SH3GL3: variants seen among roughly 807,000 people sequenced by gnomAD.
SH3GL3 encodes the protein SH3 domain containing GRB2 like 3, endophilin A3.
In SH3GL3, 33 loss-of-function variants were observed where a neutral mutation model predicts 47.7. The ratio of observed to expected loss-of-function variants is 0.69; its 90% CI spans 0.52 to 0.92. The LOEUF is 0.92. Ranked by LOEUF, SH3GL3 falls within the 40% of genes least tolerant of loss-of-function variation. The pLI is 0.00. For missense variants in SH3GL3, 363 were observed against 417.8 expected, an observed-to-expected ratio of 0.87 and a Z score of 1.14; for synonymous variants, 155 against 148.8, an observed-to-expected ratio of 1.04 and a Z score of -0.30.
intron 1 of SH3GL3, among the ~76,000 whole-genome samples, chr15:83,522,388 C>A (rs2151654748): frequency 6.6e-6 from 1 of 152,202 alleles, no homozygotes; most frequent in South Asian, 2.1e-4. Flanking sequence ...ACCCAGATAC[C>A]AAAATATTGT....
chr15:83,541,276 C>G (rs1003682660), intron 1 of SH3GL3, among the ~76,000 whole-genome samples: 1 of 137,750 alleles, frequency 7.3e-6, no homozygotes, highest in Non-Finnish European at 1.5e-5. Context: ...TGTCTTCTTT[C>G]CTAGCAGTGG....
At chr15:83,622,573 G>T (rs1421415487), downstream of SH3GL3, among the ~76,000 whole-genome samples, 1 of 152,236 alleles carries the variant, frequency 6.6e-6, no homozygotes, top group Non-Finnish European at 1.5e-5. Flanking sequence ...AATGAGACTT[G>T]TGTCTGTTGA....
chr15:83,609,410 C>T (rs749765100), intron 8 of SH3GL3: 6 of 443,542 alleles, frequency 1.4e-5, no homozygotes, highest in African/African-American at 4.1e-5. Context: ...GGAACAAAAA[C>T]ACTCAAAAGA....
chr15:83,493,618 G>C (rs1274732875), intron 1 of SH3GL3, among the ~76,000 whole-genome samples: 2 of 152,136 alleles, frequency 1.3e-5, no homozygotes, highest in African/African-American at 2.4e-5. Context: ...GCATCACCCA[G>C]ACCTGCTTTT....
In SH3GL3 at chr15:83,559,240, T is replaced by A. The variant is rs1346120719; in HGVS notation, c.46-13T>A. On this transcript the variant is annotated splice_polypyrimidine_tract_variant and intron_variant, in intron 1 of 8. Coordinates refer to ENST00000427482, the MANE Select transcript of SH3GL3 (RefSeq NM_003027.5). ...TCATTGTACAATGCAATTATTTATG[T>A]TTATTTCTGCAGCTATTTAGTGAAA... 2.1e-6 allele frequency: 3 copies of A among 1,439,380 alleles called. No homozygotes were observed. Among genetic ancestry groups the A allele is most frequent in the Non-Finnish European group, 2.9e-6 (3 of 1,021,044 alleles). The allele number at this position is 1,439,380 out of a possible 1,614,324, so 89.2% of individuals were successfully genotyped here.
intron 1 of SH3GL3, among the ~76,000 whole-genome samples, chr15:83,475,342 G>T (rs1247641808): frequency 1.3e-5 from 2 of 151,732 alleles, no homozygotes; most frequent in Admixed American, 1.3e-4. Flanking sequence ...AACCGGGCGG[G>T]GTGTTGCGTG....
chr15:83,551,768 A>G (rs1247382975), intron 1 of SH3GL3, among the ~76,000 whole-genome samples: 1 of 152,044 alleles, frequency 6.6e-6, no homozygotes, highest in Non-Finnish European at 1.5e-5. Context: ...GTTTCCTGTT[A>G]TGTTGTGTGC....
intron 1 of SH3GL3, among the ~76,000 whole-genome samples, chr15:83,462,487 A>G (rs993307042): frequency 5.9e-5 from 9 of 152,226 alleles, no homozygotes; most frequent in African/African-American, 1.9e-4. Context: ...CAGAGTTAGC[A>G]CTGTCTGCTT....
chr15:83,583,362 C>G (rs1057442005), intron 6 of SH3GL3, among the ~76,000 whole-genome samples: 1 of 152,188 alleles, frequency 6.6e-6, no homozygotes, highest in Non-Finnish European at 1.5e-5. Context: ...CCTGCTCCTT[C>G]TAGGCACCCC....
intron 6 of SH3GL3, among the ~76,000 whole-genome samples, chr15:83,580,082 C>T (rs1209536848): frequency 6.6e-6 from 1 of 152,218 alleles, no homozygotes; most frequent in African/African-American, 2.4e-5. Context: ...CCATCTCCAA[C>T]AACCAGGCCA....
intron 6 of SH3GL3, among the ~76,000 whole-genome samples, chr15:83,583,000 A>G (rs955468393): frequency 2.0e-5 from 3 of 152,252 alleles, no homozygotes; most frequent in Admixed American, 1.3e-4. Flanking sequence ...GAAATTTTCC[A>G]CAGCTTCTCT....
chr15:83,574,004 G>A (rs1341928116), intron 5 of SH3GL3, among the ~76,000 whole-genome samples: 1 of 152,208 alleles, frequency 6.6e-6, no homozygotes, highest in East Asian at 1.9e-4. Context: ...TCTCAGAGGA[G>A]GAGAAGCTGG....
rs750975781 is a variant in SH3GL3, at chr15:83,586,947, G to A, written c.625-36G>A. On this transcript the variant is annotated intron_variant, in intron 6 of 8. Transcript: ENST00000427482. ...CTCTCTCTGGACATTACACAGGCTC[G>A]GGCCTCCATGGAATAATTTTGCACT... 10 of 1,166,372 alleles carry A rather than the reference G, an allele frequency of 8.6e-6. No individual in the cohort carries two copies. The East Asian group carries it at 9.9e-5, about 12-fold the overall frequency. 72.3% of individuals were successfully genotyped at this position (1,166,372 alleles called of 1,614,324 possible).
chr15:83,618,258 G>T lies in SH3GL3; in HGVS notation c.1015G>T (p.Val339Leu). 1 of 1,611,008 alleles carries T rather than the reference G, an allele frequency of 6.2e-7. No homozygotes were observed. The highest frequency in any genetic ancestry group is 8.5e-7 in the Non-Finnish European group (1 of 1,177,130). The change falls in exon 9 of 9, where the codon GTG becomes TTG. Residue 339 changes from valine to leucine, a missense_variant. By Grantham distance (32) the Val-to-Leu change is conservative. Coordinates refer to ENST00000427482, the MANE Select transcript of SH3GL3 (RefSeq NM_003027.5). ...GESGFFPINYVEVIVPLPQ is the reference protein window; with the variant it reads ...GESGFFPINYLEVIVPLPQ The stretch of plus-strand genomic sequence containing the variant: ...ATCGGGATTCTTCCCCATTAATTAC[G>T]TGGAAGTGATCGTGCCTTTACCTCA...
At chr15:83,540,938 C>A (rs982279286) in intron 1 of SH3GL3, among the ~76,000 whole-genome samples, 1 of 152,154 alleles carries the variant, frequency 6.6e-6, no homozygotes, top group African/African-American at 2.4e-5. Context: ...CCTCTACTCC[C>A]CTGCTACCCT....
intron 2 of SH3GL3, 93 bp downstream of exon 2, chr15:83,559,414 C>T (rs1243505135): frequency 3.9e-6 from 3 of 774,554 alleles, no homozygotes; most frequent in Non-Finnish European, 6.8e-6. Context: ...GAGTGGAAAT[C>T]TAGGATGTTT....
At chr15:83,521,698 A>G (rs1326200020) in intron 1 of SH3GL3, among the ~76,000 whole-genome samples, 9 of 152,218 alleles carry the variant, frequency 5.9e-5, no homozygotes, top group Non-Finnish European at 1.3e-4. Flanking sequence ...TAACCAGCAC[A>G]GAGTCTAAGC....
intron 6 of SH3GL3, 37 bp from the exon 7 acceptor site, chr15:83,586,946 C>T (rs981112513): frequency 2.1e-5 from 24 of 1,161,560 alleles, no homozygotes; most frequent in Middle Eastern, 2.7e-4. Context: ...TACACAGGCT[C>T]GGGCCTCCAT....
intron 1 of SH3GL3, among the ~76,000 whole-genome samples, chr15:83,527,994 A>G (rs2043500740): frequency 6.6e-6 from 1 of 152,120 alleles, no homozygotes; most frequent in East Asian, 1.9e-4. Context: ...GTGGTGATGA[A>G]TTATCTTGTT....
Sources: gnomAD v4.1 joint callset for allele counts (sites outside exome capture counted in the v4.1 genomes callset) on GRCh38, gnomAD v4.1.1 for gene constraint, MANE v1.5 for transcripts, NCBI Gene and HGNC (gene_info 2026-07-23, HGNC 2026-07-21) for gene names.